Variants in ATP2B1 observed in about 807,000 individuals in gnomAD.
The protein encoded by ATP2B1 is ATPase plasma membrane Ca2+ transporting 1.
ATP2B1 carries 14 observed loss-of-function variants against 124.2 expected under a neutral mutation model. The observed-to-expected ratio is 0.11, with a 90% CI of 0.07 to 0.18. ATP2B1 has a LOEUF of 0.18. ATP2B1 is among the 10% of genes least tolerant of loss of function. The pLI is 1.00. For missense variants in ATP2B1, 763 were observed against 1,466.1 expected (o/e 0.52, Z 7.83); for synonymous variants, 449 against 492.4 (o/e 0.91, Z 1.17).
At chr12:89,698,104 C>G (rs1456058533) in intron 1 of ATP2B1, among the ~76,000 whole-genome samples, 1 of 152,048 alleles carries the variant, frequency 6.6e-6, no homozygotes, top group Non-Finnish European at 1.5e-5. Flanking sequence ...CTCCTGACCT[C>G]AAGTGATCCA....
chr12:89,661,226 T>G (rs1886656454), intron 1 of ATP2B1, among the ~76,000 whole-genome samples: 2 of 152,206 alleles, frequency 1.3e-5, no homozygotes, highest in South Asian at 2.1e-4. Context: ...GACCCAAATA[T>G]ACTAATATGA....
chr12:89,658,687 G>A (rs1886315054), intron 1 of ATP2B1, among the ~76,000 whole-genome samples: 1 of 148,742 alleles, frequency 6.7e-6, no homozygotes, highest in Admixed American at 6.8e-5. Flanking sequence ...GACATCAATT[G>A]AGCCCCTGGG....
intron 1 of ATP2B1, among the ~76,000 whole-genome samples, chr12:89,697,284 G>C (rs1223596329): frequency 6.6e-6 from 1 of 151,968 alleles, no homozygotes; most frequent in South Asian, 2.1e-4. Flanking sequence ...GAATCTCAGG[G>C]GAAGACTCAA....
intron 8 of ATP2B1, among the ~76,000 whole-genome samples, chr12:89,625,009 C>T (rs1463644153): frequency 2.0e-5 from 3 of 152,128 alleles, no homozygotes; most frequent in South Asian, 2.1e-4. Context: ...CAGTGGCTCA[C>T]GCCTGTAATC....
At chr12:89,618,737 A>G (rs1456699025) in intron 11 of ATP2B1, among the ~76,000 whole-genome samples, 2 of 152,186 alleles carry the variant, frequency 1.3e-5, no homozygotes, top group Non-Finnish European at 2.9e-5. Context: ...ACCAAAATCT[A>G]TCTTAAATGC....
chr12:89,623,913 C>T (rs1370610892), intron 9 of ATP2B1, among the ~76,000 whole-genome samples: 1 of 152,046 alleles, frequency 6.6e-6, no homozygotes, highest in Admixed American at 6.6e-5. Context: ...ATAACTATCA[C>T]GTAGAGAAAA....
At chr12:89,621,500 C>G in intron 10 of ATP2B1, 49 bp downstream of exon 10, 3 of 1,374,132 alleles carry the variant, frequency 2.2e-6, no homozygotes. Context: ...ATAGTCTGAT[C>G]ATTATAGATT....
intron 2 of ATP2B1, among the ~76,000 whole-genome samples, chr12:89,652,659 C>T (rs1035317079): frequency 6.6e-6 from 1 of 152,224 alleles, no homozygotes; most frequent in Non-Finnish European, 1.5e-5. Flanking sequence ...CAAAATGCTT[C>T]CGAGTGAATT....
chr12:89,683,495 T>C (rs1592967204), intron 1 of ATP2B1, among the ~76,000 whole-genome samples: 1 of 152,220 alleles, frequency 6.6e-6, no homozygotes, highest in Non-Finnish European at 1.5e-5. Flanking sequence ...TGTACATGTC[T>C]GGTTGACAGT....
intron 20 of ATP2B1, among the ~76,000 whole-genome samples, chr12:89,591,866 T>C (rs955467197): frequency 1.3e-5 from 2 of 152,062 alleles, no homozygotes; most frequent in Non-Finnish European, 2.9e-5. Flanking sequence ...GTCTATAAAA[T>C]GCCATTAAAC....
intron 1 of ATP2B1, among the ~76,000 whole-genome samples, chr12:89,706,848 T>A (rs1892511109): frequency 6.6e-6 from 1 of 152,158 alleles, no homozygotes; most frequent in Admixed American, 6.5e-5. Flanking sequence ...AATTAACAGT[T>A]ACTTTTCAAA....
intron 1 of ATP2B1, among the ~76,000 whole-genome samples, chr12:89,701,548 C>A (rs941331423): frequency 2.6e-5 from 4 of 152,206 alleles, no homozygotes; most frequent in Admixed American, 2.6e-4. Flanking sequence ...ATTTTTAAAA[C>A]CTTTTTACCT....
Position 89,610,468 on chromosome 12 carries a change from C to A in ATP2B1, c.2288G>T (p.Arg763Leu). ...ERIDKIWPKLRVLARSSPTDK... is the reference protein window; with the variant it reads ...ERIDKIWPKLLVLARSSPTDK... ...AGTAGGAGATGATCTTGCAAGTACT[C>A]GAAGTTTTGGCCAAATCTTGTCTAT... Residue 763 changes from arginine (R) to leucine (L), a missense_variant, in exon 14 of 21, where the codon CGA becomes CTA. By Grantham distance (102) the Arg-to-Leu change is moderately radical (BLOSUM62 -2). Around this residue, in one of 7 missense-constraint regions of ATP2B1, gnomAD observed 51 missense variants for 192.8 expected, o/e 0.26. Coordinates refer to ENST00000428670, the MANE Select transcript of ATP2B1 (RefSeq NM_001366521.1). The A allele has an allele frequency of 6.2e-7, 1 of 1,613,748 alleles. No homozygotes were observed.
At chr12:89,658,598 G>GAGAGAGAGAGAGAGA (rs1886258752) in intron 1 of ATP2B1, among the ~76,000 whole-genome samples, 6 of 69,582 alleles carry the variant, frequency 8.6e-5, no homozygotes, top group African/African-American at 3.6e-4. Context: ...AATTCAAACA[G>GAGAGAGAGAGAGAGA]GAGAGAGAGA....
At chr12:89,642,377 C>A in intron 2 of ATP2B1, 22 bp from the exon 3 acceptor site, 1 of 1,581,916 alleles carries the variant, frequency 6.3e-7, no homozygotes, top group South Asian at 1.1e-5. Context: ...AAACAAATTT[C>A]AGTGAACAGT....
chr12:89,591,168 G>T lies in ATP2B1; in HGVS notation c.3479C>A (p.Pro1160His). 1 of 1,613,198 alleles carries T rather than the reference G, an allele frequency of 6.2e-7. No individual in the cohort carries two copies. Among genetic ancestry groups the T allele is most frequent in the Non-Finnish European group, 8.5e-7 (1 of 1,179,368 alleles). ...TTCGGCATCAGTGTCATCAATAAGG[G>T]GGATATGAGGCTCTGAATCTTCTAT... ...FRIEDSEPHI[P>H]LIDDTDAEDD... The change falls in exon 21 of 21, where the codon CCC becomes CAC. Residue 1160 changes from proline (P) to histidine (H), a missense_variant. Coordinates refer to ENST00000428670, the MANE Select transcript of ATP2B1 (RefSeq NM_001366521.1).
At chr12:89,705,124 A>C (rs1892299679) in intron 1 of ATP2B1, among the ~76,000 whole-genome samples, 1 of 152,154 alleles carries the variant, frequency 6.6e-6, no homozygotes, top group Admixed American at 6.5e-5. Flanking sequence ...TAACAAGACA[A>C]CAATATATGT....
At chr12:89,594,140 G>A (rs1455796873) in intron 20 of ATP2B1, 4 of 151,950 alleles carry the variant, frequency 2.6e-5, no homozygotes, top group African/African-American at 9.7e-5. Flanking sequence ...AACAGTTCTC[G>A]AGATACATAC....
chr12:89,625,112 T>C (rs1880632870), intron 8 of ATP2B1, among the ~76,000 whole-genome samples: 1 of 149,482 alleles, frequency 6.7e-6, no homozygotes, highest in Non-Finnish European at 1.5e-5. Context: ...CTACCAAAAA[T>C]ACAAAAATTA....
Sources: allele counts gnomAD v4.1 joint callset (sites outside exome capture counted in the v4.1 genomes callset), GRCh38; gene constraint gnomAD v4.1.1; regional missense constraint gnomAD v4.1.1; transcripts MANE v1.5; gene names NCBI Gene and HGNC (gene_info 2026-07-23, HGNC 2026-07-21).